Variants in SNTG1 observed in about 807,000 individuals in gnomAD.
SNTG1 encodes gamma-1-syntrophin.
In SNTG1, 39 loss-of-function variants were observed where a neutral mutation model predicts 74.7. That is an observed-to-expected ratio of 0.52 (90% confidence interval 0.40 to 0.68). The LOEUF (loss-of-function observed/expected upper bound fraction) is 0.68, where lower values mean the gene tolerates loss of function less well. Ranked by LOEUF, SNTG1 falls within the 30% of genes least tolerant of loss-of-function variation. SNTG1 has a pLI of 0.00. For missense variants in SNTG1, 685 were observed against 609.5 expected, an observed-to-expected ratio of 1.12 and a Z score of -1.30; for synonymous variants, 254 against 217.1, an observed-to-expected ratio of 1.17 and a Z score of -1.49.
chr8:50,067,749 T>G (rs991119779), intron 1 of SNTG1, among the ~76,000 whole-genome samples: 3 of 152,162 alleles, frequency 2.0e-5, no homozygotes, highest in African/African-American at 7.2e-5. Context: ...CATGAGCTCT[T>G]GTAGATGCTG....
In SNTG1 at chr8:50,523,765, C is replaced by G. The variant is rs143748751; in HGVS notation, c.467-6412C>G. ...ATTACCAAAATGTGATGCAGAGACA[C>G]AAAGTGACCACAAGCTATTATAAAA... On this transcript the variant is annotated intron_variant, in intron 9 of 18. Coordinates refer to ENST00000642720, the MANE Select transcript of SNTG1 (RefSeq NM_018967.5). Among the ~76,000 whole-genome samples the G allele has an allele frequency of 1.8e-3, 267 of 152,196 alleles. No individual in the cohort carries two copies. In the East Asian group the frequency reaches 0.021, roughly 12 times the overall value.
At chr8:50,616,750 A>G (rs750791150) in intron 13 of SNTG1, among the ~76,000 whole-genome samples, 21 of 152,196 alleles carry the variant, frequency 1.4e-4, no homozygotes, top group Non-Finnish European at 2.1e-4. Flanking sequence ...TCTGTGGAAC[A>G]TATTACAGAA....
rs759276670 is a variant in SNTG1, at chr8:50,402,228, T to C, written c.46T>C (p.Leu16=). The C allele has an allele frequency of 1.3e-6, 2 of 1,595,006 alleles. No individual in the cohort carries two copies. Among genetic ancestry groups the C allele is most frequent in the Non-Finnish European group, 1.7e-6 (2 of 1,175,242 alleles). ...ACEETKTGIC[L]LQDGNQEPFK... is the part of the protein sequence containing the mutation. ...TCTGAAGACAAAGACAGGAATTTGT[T>C]TGCTGCAGGATGGTAACCAGGAGCC... The change falls in exon 4 of 19, where the codon TTG becomes CTG. Residue 16 remains leucine (L), a synonymous_variant. Coordinates refer to ENST00000642720, the MANE Select transcript of SNTG1 (RefSeq NM_018967.5).
chr8:50,188,355 T>C (rs909731995), intron 2 of SNTG1, among the ~76,000 whole-genome samples: 2 of 152,090 alleles, frequency 1.3e-5, no homozygotes, highest in Non-Finnish European at 2.9e-5. Context: ...CCAGGTGCAC[T>C]CATCCACGTT....
intron 13 of SNTG1, among the ~76,000 whole-genome samples, chr8:50,603,169 A>G (rs1041381687): frequency 1.3e-5 from 2 of 152,006 alleles, no homozygotes; most frequent in Non-Finnish European, 2.9e-5. Flanking sequence ...TTTCAAGGCT[A>G]TTTTCTTGAT....
At chr8:50,228,811 C>G (rs185437057) in intron 2 of SNTG1, among the ~76,000 whole-genome samples, 25 of 151,756 alleles carry the variant, frequency 1.6e-4, no homozygotes, top group African/African-American at 6.0e-4. Flanking sequence ...GAATATAACT[C>G]ACAAATGCAT....
At chr8:50,275,501 A>G (rs1166711738) in intron 2 of SNTG1, among the ~76,000 whole-genome samples, 1 of 152,198 alleles carries the variant, frequency 6.6e-6, no homozygotes, top group African/African-American at 2.4e-5. Context: ...ATACGCATTT[A>G]CAGTAATCTA....
intron 4 of SNTG1, among the ~76,000 whole-genome samples, chr8:50,422,454 G>A (rs958947817): frequency 2.6e-5 from 4 of 152,126 alleles, no homozygotes; most frequent in African/African-American, 9.7e-5. Context: ...AACTGTATGA[G>A]GGGTACTTTC....
intron 2 of SNTG1, chr8:50,286,769 A>G (rs1209114214): frequency 6.6e-6 from 1 of 152,284 alleles, no homozygotes; most frequent in East Asian, 1.9e-4. Context: ...TTAAGTTCAT[A>G]ATTGGTGAAG....
chr8:50,521,225 A>C (rs2094176808), intron 9 of SNTG1, among the ~76,000 whole-genome samples: 1 of 152,130 alleles, frequency 6.6e-6, no homozygotes, highest in Non-Finnish European at 1.5e-5. Context: ...ATTTGAGAAC[A>C]CATGGACATA....
chr8:49,948,099 C>G (rs1347201708), intron 1 of SNTG1, among the ~76,000 whole-genome samples: 1 of 152,024 alleles, frequency 6.6e-6, no homozygotes, highest in Non-Finnish European at 1.5e-5. Flanking sequence ...CCACTGCACT[C>G]AAGCCTGGGT....
intron 1 of SNTG1, among the ~76,000 whole-genome samples, chr8:49,981,860 A>T (rs1438927928): frequency 1.3e-5 from 2 of 152,180 alleles, no homozygotes; most frequent in Non-Finnish European, 2.9e-5. Flanking sequence ...TAGACTTTCT[A>T]AAAAGTCTTT....
chr8:50,380,381 G>A (rs2092460440), intron 2 of SNTG1, among the ~76,000 whole-genome samples: 1 of 152,102 alleles, frequency 6.6e-6, no homozygotes, highest in Non-Finnish European at 1.5e-5. Context: ...GTTTCAGTTT[G>A]GGACACACAA....
chr8:50,584,512 CTTTTTTTTT>C (rs34546157), intron 12 of SNTG1, among the ~76,000 whole-genome samples: 1 of 126,806 alleles, frequency 7.9e-6, no homozygotes, highest in Non-Finnish European at 1.6e-5. Flanking sequence ...TTCTCTGATT[CTTTTTTTTT>C]TTTTTTTTTG....
chr8:50,716,088 CAT>C (rs1299138494), intron 17 of SNTG1, among the ~76,000 whole-genome samples: 2 of 152,226 alleles, frequency 1.3e-5, no homozygotes, highest in East Asian at 3.9e-4. Context: ...CATGTACACA[CAT>C]GTGCACACAT....
At chr8:50,395,510 T>TTG (rs2092716874) in intron 3 of SNTG1, among the ~76,000 whole-genome samples, 1 of 149,370 alleles carries the variant, frequency 6.7e-6, no homozygotes, top group South Asian at 2.1e-4. Context: ...ATTTCTGTTT[T>TTG]TTTTTTTTTT....
intron 1 of SNTG1, among the ~76,000 whole-genome samples, chr8:49,970,243 A>G (rs1011564666): frequency 6.6e-6 from 1 of 152,110 alleles, no homozygotes; most frequent in Non-Finnish European, 1.5e-5. Flanking sequence ...ATCACGAGGA[A>G]ATTTCAGCAC....
At chr8:50,660,122 G>A (rs1236737432) in intron 15 of SNTG1, among the ~76,000 whole-genome samples, 1 of 152,022 alleles carries the variant, frequency 6.6e-6, no homozygotes, top group Non-Finnish European at 1.5e-5. Flanking sequence ...TTACAGGCAT[G>A]AGCCACCGCG....
intron 5 of SNTG1, among the ~76,000 whole-genome samples, chr8:50,447,189 G>C (rs1353047581): frequency 1.3e-5 from 2 of 152,072 alleles, no homozygotes; most frequent in Non-Finnish European, 2.9e-5. Context: ...TATCTCAAAA[G>C]CCTTTTCTCT....
Sources: allele counts gnomAD v4.1 joint callset (sites outside exome capture counted in the v4.1 genomes callset), GRCh38; gene constraint gnomAD v4.1.1; transcripts MANE v1.5; gene names NCBI Gene and HGNC (gene_info 2026-07-23, HGNC 2026-07-21).